ATG13: variants seen among roughly 807,000 people sequenced by gnomAD.
The protein encoded by ATG13 is autophagy-related protein 13.
ATG13 carries 23 observed loss-of-function variants against 65.5 expected under a neutral mutation model. The ratio of observed to expected loss-of-function variants is 0.35; its 90% CI spans 0.25 to 0.50. The LOEUF (loss-of-function observed/expected upper bound fraction) is 0.50. Among genes scored for constraint, ATG13 ranks in the 20% least tolerant of loss-of-function variants. The pLI is 0.98. For synonymous variants in ATG13, 252 were observed against 245.2 expected, an observed-to-expected ratio of 1.03 and a Z score of -0.26; for missense variants, 566 against 677.0, an observed-to-expected ratio of 0.84 and a Z score of 1.82.
intron 1 of ATG13, chr11:46,629,788 A>C (rs1409542945): frequency 6.6e-6 from 1 of 152,208 alleles, no homozygotes; most frequent in African/African-American, 2.4e-5. Context: ...TACAAGCTCC[A>C]TAATATCATG....
At chr11:46,655,818 G>C (rs1244762999) in intron 7 of ATG13, among the ~76,000 whole-genome samples, 2 of 152,108 alleles carry the variant, frequency 1.3e-5, no homozygotes, top group Non-Finnish European at 2.9e-5. Flanking sequence ...GCTCACTGCA[G>C]CGTCAACTTC....
chr11:46,660,384 T>TG (rs1373669646), intron 11 of ATG13, among the ~76,000 whole-genome samples: 2 of 74,234 alleles, frequency 2.7e-5, no homozygotes, highest in African/African-American at 3.3e-5. Context: ...CTGTTGTTGT[T>TG]GGTTTTTTTT....
At chr11:46,621,002 A>C (rs549467200) in intron 1 of ATG13, 1 of 152,226 alleles carries the variant, frequency 6.6e-6, no homozygotes, top group South Asian at 2.1e-4. Context: ...AATAGTTAAG[A>C]ATCATTTTAC....
At chr11:46,649,077 T>C in intron 5 of ATG13, 60 bp from the exon 6 acceptor site, 1 of 1,443,492 alleles carries the variant, frequency 6.9e-7, no homozygotes, top group Non-Finnish European at 9.6e-7. Flanking sequence ...TTATAGTGAC[T>C]GTAATGCTTT....
At chr11:46,622,116 TATATATA>T (rs2047860071) in intron 1 of ATG13, among the ~76,000 whole-genome samples, 3 of 92,428 alleles carry the variant, frequency 3.2e-5, no homozygotes, top group African/African-American at 1.4e-4. Flanking sequence ...TATATATATA[TATATATA>T]TATATTTATT....
At chr11:46,629,710 C>T (rs1591535500) in intron 1 of ATG13, among the ~76,000 whole-genome samples, 1 of 152,058 alleles carries the variant, frequency 6.6e-6, no homozygotes, top group East Asian at 1.9e-4. Flanking sequence ...CCTGCTTAAT[C>T]TTAATAAGCA....
chr11:46,665,797 CTTTTTTTTTTTTT>C (rs1159523560), intron 14 of ATG13, among the ~76,000 whole-genome samples: 4 of 87,776 alleles, frequency 4.6e-5, no homozygotes, highest in Non-Finnish European at 6.2e-5. Context: ...TTTATTTTTC[CTTTTTTTTTTTTT>C]TTTTTTTTTT....
intron 2 of ATG13, among the ~76,000 whole-genome samples, chr11:46,638,980 A>T (rs1345582486): frequency 4.7e-5 from 7 of 149,434 alleles, no homozygotes; most frequent in African/African-American, 1.7e-4. Flanking sequence ...GCTGATTTTT[A>T]TTTATTTATT....
At chr11:46,634,921 T>C (rs991764884) in intron 2 of ATG13, among the ~76,000 whole-genome samples, 2 of 151,700 alleles carry the variant, frequency 1.3e-5, no homozygotes, top group Non-Finnish European at 1.5e-5. Context: ...CAGGCTTTTC[T>C]TGAACTCCTG....
intron 5 of ATG13, chr11:46,648,818 C>CGAA (rs2058300312): frequency 5.8e-6 from 1 of 172,022 alleles, no homozygotes. Flanking sequence ...GAGAAACAAC[C>CGAA]TTTATGTCCA....
rs541934644 is a variant in ATG13, at chr11:46,621,849, C to T, written c.-70+3959C>T. 1.8e-4 allele frequency among the ~76,000 whole-genome samples: 27 copies of T among 151,978 alleles called. No individual in the cohort carries two copies. The South Asian group carries it at 4.8e-3, about 27-fold the overall frequency. ...TCAAAAGGACCTAACCCTTGTCCCT[C>T]ACAGGCCTCGGTTCCCTGGCATCAG... On this transcript the variant is annotated intron_variant, in intron 1 of 18. Coordinates refer to ENST00000683050, the MANE Select transcript of ATG13 (RefSeq NM_001346311.2).
chr11:46,620,415 G>T (rs1206471107), intron 1 of ATG13, among the ~76,000 whole-genome samples: 1 of 151,712 alleles, frequency 6.6e-6, no homozygotes, highest in South Asian at 2.1e-4. Context: ...TCTTATCCTG[G>T]TATTTTTTTG....
At chr11:46,661,193 A>G (rs957928480) in intron 11 of ATG13, among the ~76,000 whole-genome samples, 3 of 151,934 alleles carry the variant, frequency 2.0e-5, no homozygotes, top group Admixed American at 6.6e-5. Flanking sequence ...AATTTTTTCC[A>G]TCTTTGGTTG....
intron 2 of ATG13, among the ~76,000 whole-genome samples, chr11:46,631,969 T>C (rs1004809004): frequency 2.0e-5 from 3 of 152,246 alleles, no homozygotes; most frequent in Non-Finnish European, 2.9e-5. Context: ...TAGGAATTTC[T>C]ATTTGCAAAA....
At chr11:46,623,951 G>A (rs945731535) in intron 1 of ATG13, among the ~76,000 whole-genome samples, 1 of 146,096 alleles carries the variant, frequency 6.8e-6, no homozygotes, top group Non-Finnish European at 1.5e-5. Flanking sequence ...CTTCAGAGAT[G>A]TTACTTATAT....
At chr11:46,619,475 C>T (rs1438158073) in intron 1 of ATG13, among the ~76,000 whole-genome samples, 1 of 147,894 alleles carries the variant, frequency 6.8e-6, no homozygotes, top group Non-Finnish European at 1.5e-5. Flanking sequence ...ACCTCTGCCT[C>T]CCGGGTTCAA....
chr11:46,648,824 G>T, intron 5 of ATG13: 5 of 169,122 alleles, frequency 3.0e-5, no homozygotes, highest in Admixed American at 6.4e-5. Flanking sequence ...CAACCTTTAT[G>T]TCCAAGAATT....
chr11:46,633,001 A>ATAT (rs1245497216), intron 2 of ATG13, among the ~76,000 whole-genome samples: 21 of 102,324 alleles, frequency 2.1e-4, no homozygotes, highest in Non-Finnish European at 3.1e-4. Flanking sequence ...CCATTAAAAA[A>ATAT]AAATATATAT....
intron 5 of ATG13, 188 bp from the exon 6 acceptor site, chr11:46,648,949 A>C: frequency 2.3e-6 from 1 of 427,674 alleles, no homozygotes; most frequent in Non-Finnish European, 4.1e-6. Flanking sequence ...TTAAGAAAAA[A>C]CAAGTCATCA....
Sources: allele counts gnomAD v4.1 joint callset (sites outside exome capture counted in the v4.1 genomes callset), GRCh38; gene constraint gnomAD v4.1.1; transcripts MANE v1.5; gene names NCBI Gene and HGNC (gene_info 2026-07-23, HGNC 2026-07-21).